Variants in PAPPA2 observed in about 807,000 individuals in gnomAD.
PAPPA2 encodes pappalysin 2, also known as pappalysin-2.
Under a neutral mutation model 176.4 loss-of-function variants are expected in PAPPA2, and 86 were observed. The observed-to-expected ratio is 0.49, with a 90% confidence interval of 0.41 to 0.58. The LOEUF is 0.58. Among genes scored for constraint, PAPPA2 ranks in the 20% least tolerant of loss-of-function variants. The probability of loss-of-function intolerance (pLI) is 0.00; values close to 1 mark genes in which losing one functional copy is unlikely to be tolerated. For missense variants in PAPPA2, 2,073 were observed against 2,256.9 expected (o/e 0.92, Z 1.65); for synonymous variants, 809 against 852.2 (o/e 0.95, Z 0.88).
At chr1:176,737,568 T>G (rs1210324628) in intron 12 of PAPPA2, among the ~76,000 whole-genome samples, 1 of 152,094 alleles carries the variant, frequency 6.6e-6, no homozygotes, top group Non-Finnish European at 1.5e-5. Flanking sequence ...TTGTCTCTGT[T>G]TGCTTTGTGT....
intron 4 of PAPPA2, among the ~76,000 whole-genome samples, chr1:176,675,061 T>G (rs181372835): frequency 1.3e-5 from 2 of 152,218 alleles, no homozygotes; most frequent in East Asian, 3.9e-4. Context: ...GCTTTTGGGT[T>G]CTTGGTCATG....
chr1:176,549,580 G>A (rs968713996), intron 1 of PAPPA2, among the ~76,000 whole-genome samples: 2 of 152,218 alleles, frequency 1.3e-5, no homozygotes, highest in Non-Finnish European at 2.9e-5. Flanking sequence ...TGGTAATAGA[G>A]TATTTGATTT....
intron 20 of PAPPA2, among the ~76,000 whole-genome samples, chr1:176,799,601 C>T (rs1263251457): frequency 6.6e-6 from 1 of 152,184 alleles, no homozygotes; most frequent in African/African-American, 2.4e-5. Flanking sequence ...CTGAGGTCCA[C>T]ATTTAGTTGA....
chr1:176,475,075 GT>G (rs1397809570), intron 1 of PAPPA2, among the ~76,000 whole-genome samples: 2 of 152,102 alleles, frequency 1.3e-5, no homozygotes, highest in African/African-American at 4.8e-5. Context: ...TTGTGTGTGT[GT>G]TTTTTATATT....
chr1:176,824,191 C>A (rs1666770298), intron 21 of PAPPA2, among the ~76,000 whole-genome samples: 1 of 152,170 alleles, frequency 6.6e-6, no homozygotes. Flanking sequence ...ATTGCTTGAA[C>A]ATCTGCTGTG....
At chr1:176,769,837 C>T in intron 16 of PAPPA2, 53 bp downstream of exon 16, 1 of 1,501,346 alleles carries the variant, frequency 6.7e-7, no homozygotes, top group East Asian at 2.3e-5. Flanking sequence ...ATCCCTCGCT[C>T]TTGAGGGTAC....
At chr1:176,623,939 C>A (rs1293464064) in intron 3 of PAPPA2, among the ~76,000 whole-genome samples, 1 of 151,572 alleles carries the variant, frequency 6.6e-6, no homozygotes, top group Admixed American at 6.6e-5. Context: ...CTCCCAGGAT[C>A]AAGCGATCCT....
intron 3 of PAPPA2, 115 bp downstream of exon 3, chr1:176,595,710 C>T: frequency 9.9e-7 from 1 of 1,006,564 alleles, no homozygotes; most frequent in Non-Finnish European, 1.4e-6. Flanking sequence ...GACATTAATC[C>T]ACCCCATCAG....
At chr1:176,498,927 A>G (rs1451749244) in intron 1 of PAPPA2, among the ~76,000 whole-genome samples, 2 of 152,192 alleles carry the variant, frequency 1.3e-5, no homozygotes, top group African/African-American at 4.8e-5. Context: ...CAGCCAGTGT[A>G]TTACTATTAC....
intron 3 of PAPPA2, among the ~76,000 whole-genome samples, chr1:176,666,191 C>T (rs553834233): frequency 6.6e-6 from 1 of 152,200 alleles, no homozygotes; most frequent in South Asian, 2.1e-4. Context: ...GGAAAGAGCA[C>T]TGCAATGAAA....
chr1:176,725,871 C>A (rs1661845332), intron 12 of PAPPA2, among the ~76,000 whole-genome samples: 1 of 152,178 alleles, frequency 6.6e-6, no homozygotes. Flanking sequence ...AGCTCCGCCT[C>A]CCGGGTTCAC....
At chr1:176,540,962 C>A (rs1392788473) in intron 1 of PAPPA2, among the ~76,000 whole-genome samples, 5 of 152,156 alleles carry the variant, frequency 3.3e-5, no homozygotes, top group Non-Finnish European at 7.3e-5. Flanking sequence ...TAATTTGAGG[C>A]ACATTATGTG....
intron 1 of PAPPA2, among the ~76,000 whole-genome samples, chr1:176,504,791 C>T (rs1648161376): frequency 6.6e-6 from 1 of 152,122 alleles, no homozygotes; most frequent in Non-Finnish European, 1.5e-5. Flanking sequence ...TTGCAAGGGC[C>T]ATCTCATGGT....
intron 1 of PAPPA2, among the ~76,000 whole-genome samples, chr1:176,492,497 T>G (rs1647346892): frequency 6.6e-6 from 1 of 152,204 alleles, no homozygotes; most frequent in African/African-American, 2.4e-5. Flanking sequence ...TTGTCAAAAC[T>G]ATTATCCTTT....
At chr1:176,712,978 C>T (rs1661209438) in intron 12 of PAPPA2, among the ~76,000 whole-genome samples, 1 of 152,126 alleles carries the variant, frequency 6.6e-6, no homozygotes. Flanking sequence ...TTTTTAAGGG[C>T]ATAATCAAGT....
intron 2 of PAPPA2, among the ~76,000 whole-genome samples, chr1:176,568,169 G>A (rs1460120532): frequency 6.6e-6 from 1 of 152,090 alleles, no homozygotes; most frequent in African/African-American, 2.4e-5. Flanking sequence ...CAAGACTCAA[G>A]GTCTTGTATT....
chr1:176,708,433 A>G (rs1408444574), intron 10 of PAPPA2, among the ~76,000 whole-genome samples: 1 of 152,074 alleles, frequency 6.6e-6, no homozygotes, highest in Non-Finnish European at 1.5e-5. Flanking sequence ...ACATAAACAA[A>G]AATTTTAAGT....
intron 12 of PAPPA2, among the ~76,000 whole-genome samples, chr1:176,739,363 A>G (rs542134944): frequency 2.7e-5 from 4 of 149,174 alleles, no homozygotes; most frequent in Non-Finnish European, 4.5e-5. Context: ...AGGGTCAAGT[A>G]AAAAAAAACA....
intron 2 of PAPPA2, among the ~76,000 whole-genome samples, chr1:176,584,495 GT>G (rs1269360197): frequency 1.5e-4 from 22 of 151,094 alleles, no homozygotes; most frequent in African/African-American, 5.4e-4. Context: ...ATGGAATATT[GT>G]TTTTCACTTT....
Sources: allele counts gnomAD v4.1 joint callset (sites outside exome capture counted in the v4.1 genomes callset), GRCh38; gene constraint gnomAD v4.1.1; transcripts MANE v1.5; gene names NCBI Gene and HGNC (gene_info 2026-07-23, HGNC 2026-07-21).